SAMD5: variants seen among roughly 807,000 people sequenced by gnomAD.
The protein encoded by SAMD5 is sterile alpha motif domain containing 5.
A neutral mutation model predicts 11.3 loss-of-function variants in SAMD5; 13 were observed. The observed-to-expected ratio is 1.15, with a 90% CI of 0.75 to 1.83. The LOEUF (loss-of-function observed/expected upper bound fraction) is 1.83, where lower values mean the gene tolerates loss of function less well. SAMD5 is among the 40% of genes most tolerant of loss of function. The pLI, the probability that SAMD5 is intolerant of heterozygous loss-of-function variation, is 0.00. For missense variants in SAMD5, 255 were observed against 239.1 expected, an observed-to-expected ratio of 1.07 and a Z score of -0.44; for synonymous variants, 129 against 111.3, an observed-to-expected ratio of 1.16 and a Z score of -1.00.
At chr6:147,828,175 CTCCTG>C in the SAMD5 span, among the ~76,000 whole-genome samples, 46 of 152,320 alleles carry the variant, frequency 3.0e-4, no homozygotes, top group South Asian at 9.3e-3. Context: ...GAGTGTTAAA[CTCCTG>C]ATCATTGCTC....
At chr6:147,595,859 T>A (rs1789523578) in intron 1 of SAMD5, among the ~76,000 whole-genome samples, 1 of 152,016 alleles carries the variant, frequency 6.6e-6, no homozygotes, top group Non-Finnish European at 1.5e-5. Flanking sequence ...AGGCAAGCCA[T>A]CCATATTCCT....
the SAMD5 span, among the ~76,000 whole-genome samples, chr6:147,754,347 C>A: frequency 7.7e-6 from 1 of 130,686 alleles, no homozygotes. Flanking sequence ...ATTTGTATGT[C>A]TTTTTTTTTT....
chr6:147,870,434 GT>G, the SAMD5 span, among the ~76,000 whole-genome samples: 13 of 124,928 alleles, frequency 1.0e-4, no homozygotes, highest in African/African-American at 2.4e-4. Flanking sequence ...CCCCTTTGGT[GT>G]GTGTGTGTGT....
At chr6:147,618,401 T>C (rs1281981039) in intron 1 of SAMD5, among the ~76,000 whole-genome samples, 1 of 151,936 alleles carries the variant, frequency 6.6e-6, no homozygotes, top group Non-Finnish European at 1.5e-5. Flanking sequence ...TGGGGCAACA[T>C]GAGGGGGAGC....
chr6:147,817,114 CT>C, the SAMD5 span, among the ~76,000 whole-genome samples: 1 of 152,130 alleles, frequency 6.6e-6, no homozygotes, highest in East Asian at 1.9e-4. Flanking sequence ...CCAGGCTTCC[CT>C]TTTTTCATCA....
At chr6:147,953,049 C>T in the SAMD5 span, among the ~76,000 whole-genome samples, 1 of 151,926 alleles carries the variant, frequency 6.6e-6, no homozygotes, top group African/African-American at 2.4e-5. Flanking sequence ...GTGCCTTTAT[C>T]CTCACTGAAT....
chr6:147,928,321 G>C, the SAMD5 span, among the ~76,000 whole-genome samples: 4 of 152,054 alleles, frequency 2.6e-5, no homozygotes, highest in Non-Finnish European at 5.9e-5. Flanking sequence ...TGGTAGGCTA[G>C]TTATTACTGA....
At chr6:147,810,321 A>G in the SAMD5 span, among the ~76,000 whole-genome samples, 4 of 152,090 alleles carry the variant, frequency 2.6e-5, no homozygotes, top group Non-Finnish European at 5.9e-5. Flanking sequence ...GTCTGGTTCT[A>G]TTAAAGGGAT....
chr6:147,679,124 T>C (rs1438744869), intron 1 of SAMD5, among the ~76,000 whole-genome samples: 3 of 152,174 alleles, frequency 2.0e-5, no homozygotes, highest in Non-Finnish European at 4.4e-5. Context: ...AATAAATCTA[T>C]GAATATTTAT....
At chr6:147,905,308 A>T in the SAMD5 span, among the ~76,000 whole-genome samples, 1 of 151,980 alleles carries the variant, frequency 6.6e-6, no homozygotes, top group African/African-American at 2.4e-5. Flanking sequence ...CAGCCTCCGG[A>T]GCAGCTGGGA....
intron 1 of SAMD5, among the ~76,000 whole-genome samples, chr6:147,721,710 C>A (rs1351246191): frequency 2.6e-5 from 4 of 152,108 alleles, no homozygotes; most frequent in Non-Finnish European, 4.4e-5. Context: ...TTAATTAGAT[C>A]CCATTTGTCA....
chr6:147,746,939 G>T, the SAMD5 span, among the ~76,000 whole-genome samples: 9 of 152,194 alleles, frequency 5.9e-5, no homozygotes, highest in Non-Finnish European at 1.2e-4. Flanking sequence ...ACTCTATCAG[G>T]ATTTCAGGCG....
the SAMD5 span, among the ~76,000 whole-genome samples, chr6:147,880,388 C>T: frequency 6.6e-6 from 1 of 152,134 alleles, no homozygotes; most frequent in Non-Finnish European, 1.5e-5. Flanking sequence ...CACATACACA[C>T]ACAAACACAG....
At chr6:147,673,603 GT>G (rs138562768) in intron 1 of SAMD5, among the ~76,000 whole-genome samples, 4 of 151,238 alleles carry the variant, frequency 2.6e-5, no homozygotes, top group East Asian at 3.9e-4. Flanking sequence ...ATGGTATCAG[GT>G]TTTTTTTTCC....
At chr6:147,598,044 G>A (rs896686834) in intron 1 of SAMD5, among the ~76,000 whole-genome samples, 4 of 152,152 alleles carry the variant, frequency 2.6e-5, no homozygotes, top group South Asian at 2.1e-4. Context: ...CCACACCACT[G>A]ATGCAGTGGA....
intron 1 of SAMD5, among the ~76,000 whole-genome samples, chr6:147,656,899 CGTGTGTGTGT>C (rs55906300): frequency 4.0e-5 from 6 of 149,056 alleles, no homozygotes; most frequent in African/African-American, 1.2e-4. Context: ...ATACAGTATA[CGTGTGTGTGT>C]GTGTGTGTGT....
At chr6:147,914,455 G>A in the SAMD5 span, among the ~76,000 whole-genome samples, 1 of 152,034 alleles carries the variant, frequency 6.6e-6, no homozygotes, top group African/African-American at 2.4e-5. Flanking sequence ...TAATTACACA[G>A]AATTGGAAAA....
the SAMD5 span, among the ~76,000 whole-genome samples, chr6:147,790,764 C>T: frequency 2.3e-5 from 2 of 85,508 alleles, no homozygotes; most frequent in African/African-American, 1.1e-4. Flanking sequence ...CTTTCTCTCT[C>T]TCTCTTTCTC....
chr6:147,879,681 G>A, the SAMD5 span, among the ~76,000 whole-genome samples: 1 of 152,120 alleles, frequency 6.6e-6, no homozygotes, highest in African/African-American at 2.4e-5. Context: ...AAAAGCAATG[G>A]GGGATTGGTT....
Sources: gnomAD v4.1 joint callset for allele counts (sites outside exome capture counted in the v4.1 genomes callset) on GRCh38, gnomAD v4.1.1 for gene constraint, MANE v1.5 for transcripts, NCBI Gene and HGNC (gene_info 2026-07-23, HGNC 2026-07-21) for gene names.